The following PLEKHA2 variants were observed in gnomAD, a reference collection of about 807,000 sequenced individuals.
The protein encoded by PLEKHA2 is pleckstrin homology domain-containing family A member 2.
In PLEKHA2, 28 loss-of-function variants were observed where a neutral mutation model predicts 53.2. The observed-to-expected ratio is 0.53, with a 90% CI of 0.39 to 0.72. PLEKHA2 has a LOEUF of 0.72. Among genes scored for constraint, PLEKHA2 ranks in the 30% least tolerant of loss-of-function variants. PLEKHA2 has a pLI of 0.00. For missense variants in PLEKHA2, 426 were observed against 537.9 expected, an observed-to-expected ratio of 0.79 and a Z score of 2.06; for synonymous variants, 193 against 196.4, an observed-to-expected ratio of 0.98 and a Z score of 0.14.
chr8:38,968,708 A>G (rs763143947), intron 11 of PLEKHA2, 39 bp downstream of exon 11: 4 of 1,603,748 alleles, frequency 2.5e-6, no homozygotes, highest in Non-Finnish European at 3.4e-6. Flanking sequence ...GTCAACTCAG[A>G]GATGAATTCC....
intron 3 of PLEKHA2, among the ~76,000 whole-genome samples, chr8:38,942,237 A>C (rs1054825713): frequency 6.7e-6 from 1 of 148,398 alleles, no homozygotes; most frequent in Admixed American, 6.7e-5. Context: ...CCCCATCTCT[A>C]AAAAAAAAAT....
chr8:38,947,898 C>T (rs1436034388), intron 5 of PLEKHA2, among the ~76,000 whole-genome samples: 1 of 151,918 alleles, frequency 6.6e-6, no homozygotes, highest in African/African-American at 2.4e-5. Context: ...ACCAGCCTGG[C>T]TAACATGGTG....
chr8:38,947,947 C>T (rs1047646513), intron 5 of PLEKHA2, among the ~76,000 whole-genome samples: 2 of 151,788 alleles, frequency 1.3e-5, no homozygotes, highest in African/African-American at 4.8e-5. Flanking sequence ...ACTAGCTGGG[C>T]ATGTTGGCAT....
chr8:38,951,738 G>A (rs941599196), intron 6 of PLEKHA2, among the ~76,000 whole-genome samples: 10 of 152,022 alleles, frequency 6.6e-5, no homozygotes, highest in East Asian at 1.9e-4. Context: ...ACAAGGTCTC[G>A]CTGTGTTGCC....
At chr8:38,918,660 C>T (rs1343203583) in intron 2 of PLEKHA2, among the ~76,000 whole-genome samples, 1 of 140,616 alleles carries the variant, frequency 7.1e-6, no homozygotes, top group African/African-American at 2.6e-5. Flanking sequence ...ACCATACACA[C>T]ACCCCCATAC....
intron 2 of PLEKHA2, among the ~76,000 whole-genome samples, chr8:38,931,222 G>A (rs1466090399): frequency 1.3e-5 from 2 of 152,126 alleles, no homozygotes; most frequent in African/African-American, 2.4e-5. Flanking sequence ...AGGTTGCAGT[G>A]AGCCGAGATC....
At chr8:38,958,072 C>T (rs1834973746) in intron 10 of PLEKHA2, among the ~76,000 whole-genome samples, 2 of 152,146 alleles carry the variant, frequency 1.3e-5, no homozygotes, top group Non-Finnish European at 2.9e-5. Flanking sequence ...TGCCTGGAAT[C>T]CCAGCATTTT....
intron 1 of PLEKHA2, among the ~76,000 whole-genome samples, chr8:38,914,012 T>G (rs867295923): frequency 3.9e-5 from 6 of 152,226 alleles, no homozygotes; most frequent in Admixed American, 1.3e-4. Flanking sequence ...CCTGCTGTGC[T>G]GCAACACATC....
intron 1 of PLEKHA2, among the ~76,000 whole-genome samples, chr8:38,911,115 T>G (rs555079084): frequency 1.8e-4 from 28 of 152,306 alleles, no homozygotes; most frequent in Non-Finnish European, 3.4e-4. Flanking sequence ...CCCTGTGTGC[T>G]TTGTTAGCTG....
chr8:38,918,338 C>T (rs1403364491), intron 2 of PLEKHA2, among the ~76,000 whole-genome samples: 1 of 145,902 alleles, frequency 6.9e-6, no homozygotes, highest in Non-Finnish European at 1.5e-5. Flanking sequence ...AGACACGACA[C>T]ATACACACAT....
chr8:38,918,827 A>C (rs1302108802), intron 2 of PLEKHA2, among the ~76,000 whole-genome samples: 1 of 152,190 alleles, frequency 6.6e-6, no homozygotes, highest in Non-Finnish European at 1.5e-5. Context: ...ACACACACAG[A>C]AAACCATCTC....
At chr8:38,946,607 G>C (rs534157760) in intron 5 of PLEKHA2, among the ~76,000 whole-genome samples, 1 of 152,148 alleles carries the variant, frequency 6.6e-6, no homozygotes, top group Non-Finnish European at 1.5e-5. Flanking sequence ...TCCCAGCTTG[G>C]GGGATACTCT....
rs1165132467 is a variant in PLEKHA2, at chr8:38,970,055, C to G, written c.*272C>G. ...GGCATACTCAGTGGAGAGGAAGCTA[C>G]CTATTCTATTCTAACTATTCTGAGG... On this transcript the variant is annotated 3_prime_UTR_variant, in exon 12 of 12. Transcript: ENST00000617275. The G allele has an allele frequency of 1.8e-6, 1 of 550,918 alleles. No individual in the cohort carries two copies. Among genetic ancestry groups the G allele is most frequent in the Non-Finnish European group, 3.1e-6 (1 of 317,960 alleles). The allele number at this position is 550,918 out of a possible 1,614,324, so 34.1% of individuals were successfully genotyped here.
intron 4 of PLEKHA2, among the ~76,000 whole-genome samples, chr8:38,944,738 C>T (rs62504402): frequency 0.18 from 27,195 of 152,190 alleles, 2,901 homozygotes; most frequent in Non-Finnish European, 0.25. Flanking sequence ...TTGAGGATTA[C>T]AATTGAACAT....
At chr8:38,938,478 C>T (rs1253723210) in intron 3 of PLEKHA2, among the ~76,000 whole-genome samples, 2 of 151,920 alleles carry the variant, frequency 1.3e-5, no homozygotes, top group Non-Finnish European at 2.9e-5. Context: ...CCAGAGGGGC[C>T]CCAGCTCCTC....
At chr8:38,965,330 G>A (rs1009317227) in intron 10 of PLEKHA2, among the ~76,000 whole-genome samples, 10 of 152,274 alleles carry the variant, frequency 6.6e-5, no homozygotes, top group Admixed American at 2.0e-4. Context: ...GTGGCCTGTG[G>A]CCTGTGGGGG....
At chr8:38,956,195 A>G (rs767161805) in intron 9 of PLEKHA2, among the ~76,000 whole-genome samples, 5 of 152,162 alleles carry the variant, frequency 3.3e-5, no homozygotes, top group Non-Finnish European at 1.5e-5. Flanking sequence ...GGCATTTAAC[A>G]CTGGGAAATA....
At chr8:38,938,628 C>T (rs927335847) in intron 3 of PLEKHA2, among the ~76,000 whole-genome samples, 9 of 152,204 alleles carry the variant, frequency 5.9e-5, no homozygotes, top group African/African-American at 9.6e-5. Flanking sequence ...GCCCTGTCTG[C>T]GTCACTCTAC....
At chr8:38,907,928 C>T (rs573939562) in intron 1 of PLEKHA2, among the ~76,000 whole-genome samples, 24 of 152,088 alleles carry the variant, frequency 1.6e-4, no homozygotes, top group African/African-American at 5.8e-4. Flanking sequence ...GACATTGGCT[C>T]AACTGCAACC....
Sources: gnomAD v4.1 joint callset for allele counts (sites outside exome capture counted in the v4.1 genomes callset) on GRCh38, gnomAD v4.1.1 for gene constraint, MANE v1.5 for transcripts, NCBI Gene and HGNC (gene_info 2026-07-23, HGNC 2026-07-21) for gene names.